The following DIP2C variants were observed in gnomAD, a reference collection of about 807,000 sequenced individuals.
DIP2C encodes the protein disco-interacting protein 2 homolog C.
DIP2C carries 33 observed loss-of-function variants against 192.4 expected under a neutral mutation model. That is an observed-to-expected ratio of 0.17 (90% CI 0.13 to 0.23). DIP2C has a LOEUF of 0.23. DIP2C is among the 10% of genes least tolerant of loss of function. The pLI is 1.00. For synonymous variants in DIP2C, 979 were observed against 864.1 expected, an observed-to-expected ratio of 1.13 and a Z score of -2.33; for missense variants, 1,537 against 2,110.1, an observed-to-expected ratio of 0.73 and a Z score of 5.32.
intron 1 of DIP2C, among the ~76,000 whole-genome samples, chr10:675,278 A>T (rs1830833188): frequency 6.6e-6 from 1 of 152,210 alleles, no homozygotes; most frequent in Admixed American, 6.5e-5. Context: ...AGCCTACGGT[A>T]TAGAGCAAAA....
intron 4 of DIP2C, 110 bp downstream of exon 4, chr10:440,761 T>C: frequency 2.7e-6 from 4 of 1,455,846 alleles, no homozygotes; most frequent in Non-Finnish European, 3.6e-6. Context: ...TCACAAAATC[T>C]GCATTACTGC....
chr10:337,824 C>CTG (rs374719991), intron 29 of DIP2C, among the ~76,000 whole-genome samples: 1 of 102,896 alleles, frequency 9.7e-6, no homozygotes, highest in Non-Finnish European at 2.0e-5. Flanking sequence ...GCCTACGCAG[C>CTG]TGTGTGTGTG....
chr10:553,971 C>A (rs953827234), intron 1 of DIP2C, among the ~76,000 whole-genome samples: 1 of 150,782 alleles, frequency 6.6e-6, no homozygotes, highest in Non-Finnish European at 1.5e-5. Context: ...AACGTATACG[C>A]TTGTAACTGT....
At chr10:481,973 G>A (rs1437049474) in intron 2 of DIP2C, among the ~76,000 whole-genome samples, 2 of 152,228 alleles carry the variant, frequency 1.3e-5, no homozygotes, top group Admixed American at 1.3e-4. Flanking sequence ...GGGGGTTGGG[G>A]TGGAGACTTA....
chr10:381,608 G>A (rs982811577), intron 17 of DIP2C, among the ~76,000 whole-genome samples: 2 of 152,308 alleles, frequency 1.3e-5, no homozygotes, highest in African/African-American at 4.8e-5. Context: ...GCGTGCCCAC[G>A]TGCAACACCA....
chr10:472,467 T>C lies in DIP2C; in HGVS notation c.240A>G (p.Ser80=), dbSNP rs757230987. The change falls in exon 3 of 37, where the codon TCA becomes TCG. Residue 80 remains serine, a synonymous_variant. Transcript: ENST00000280886. The part of the protein sequence containing the change: ...SASRYHRRRS[S]GSRDERYRSD... ...ACCGATAGCGCTCATCTCGTGACCC[T>C]GAAGACCGTCGGCGGTGGTAGCGAG... 34 of 1,614,166 alleles carry C rather than the reference T, an allele frequency of 2.1e-5. No homozygotes were observed. The South Asian group carries it at 3.3e-4, about 16-fold the overall frequency.
At chr10:528,446 A>G (rs1323111814) in intron 1 of DIP2C, among the ~76,000 whole-genome samples, 8 of 151,842 alleles carry the variant, frequency 5.3e-5, no homozygotes, top group Non-Finnish European at 1.0e-4. Context: ...GCTCCCCCAG[A>G]ACGCAGACCA....
At chr10:337,660 TGTGTACGC>T (rs1957912751) in intron 29 of DIP2C, among the ~76,000 whole-genome samples, 1 of 146,136 alleles carries the variant, frequency 6.8e-6, no homozygotes, top group African/African-American at 2.6e-5. Context: ...TAGGCCGGTG[TGTGTACGC>T]GTGTGTGTTG....
intron 1 of DIP2C, among the ~76,000 whole-genome samples, chr10:519,216 T>TGC (rs773416913): frequency 9.2e-5 from 14 of 152,170 alleles, no homozygotes; most frequent in Non-Finnish European, 1.9e-4. Flanking sequence ...AGCCACTAGC[T>TGC]GCCCCGGCCA....
Position 525,521 on chromosome 10 carries a change from C to G in DIP2C, c.86-38991G>C, listed in dbSNP as rs1238555246. Among the ~76,000 whole-genome samples the G allele has an allele frequency of 2.0e-5, 3 of 152,200 alleles. No individual in the cohort carries two copies. In the East Asian group the frequency reaches 5.8e-4, roughly 29 times the overall value. Reference sequence around the variant, plus strand: ...ACAAAGTGTTTGAGGAAAAGTCTTTCTAACTGTAAAAATTCGAGCTGATTG... The same window carrying G: ...ACAAAGTGTTTGAGGAAAAGTCTTTGTAACTGTAAAAATTCGAGCTGATTG... On this transcript the variant is annotated intron_variant, in intron 1 of 36. Coordinates refer to ENST00000280886, the MANE Select transcript of DIP2C (RefSeq NM_014974.3).
At chr10:589,663 C>CG (rs1564238585) in intron 1 of DIP2C, among the ~76,000 whole-genome samples, 5 of 152,164 alleles carry the variant, frequency 3.3e-5, no homozygotes. Flanking sequence ...GCATAATTTA[C>CG]GACTTCAGTG....
chr10:457,628 T>G (rs551259894), intron 3 of DIP2C, among the ~76,000 whole-genome samples: 1 of 152,148 alleles, frequency 6.6e-6, no homozygotes, highest in African/African-American at 2.4e-5. Context: ...TGACAACAGC[T>G]CACTGCAGCC....
chr10:569,407 G>C (rs1443996283), intron 1 of DIP2C, among the ~76,000 whole-genome samples: 4 of 151,960 alleles, frequency 2.6e-5, no homozygotes, highest in African/African-American at 9.7e-5. Context: ...ATTCAGCTAA[G>C]TATTATAGTA....
chr10:606,187 G>A lies in DIP2C; in HGVS notation c.85+83307C>T, dbSNP rs1002604564. ...TCAGAACGAGTCCTGCATAAACCCT[G>A]GGCTGGGGTGCCAGCCACGGCCCAG... On this transcript the variant is annotated intron_variant, in intron 1 of 36. Coordinates refer to ENST00000280886, the MANE Select transcript of DIP2C (RefSeq NM_014974.3). Among the ~76,000 whole-genome samples the A allele has an allele frequency of 2.6e-5, 4 of 152,322 alleles. No individual in the cohort carries two copies. In the East Asian group the frequency reaches 7.7e-4, roughly 29 times the overall value.
intron 1 of DIP2C, among the ~76,000 whole-genome samples, chr10:581,233 G>A (rs1264990428): frequency 1.3e-5 from 2 of 151,968 alleles, no homozygotes; most frequent in African/African-American, 2.4e-5. Context: ...AATTCAGCTG[G>A]GGAAAAAACA....
At chr10:366,177 T>A in intron 19 of DIP2C, 98 bp downstream of exon 19, 1 of 1,507,444 alleles carries the variant, frequency 6.6e-7, no homozygotes, top group Non-Finnish European at 9.0e-7. Context: ...CTTGCTAAAA[T>A]GGATCTTACA....
intron 1 of DIP2C, among the ~76,000 whole-genome samples, chr10:583,588 C>G (rs1014869334): frequency 1.8e-4 from 28 of 152,176 alleles, no homozygotes; most frequent in African/African-American, 6.8e-4. Flanking sequence ...CACAGCCTCA[C>G]CTGGGCCTCG....
chr10:596,635 G>A (rs145648689), intron 1 of DIP2C, among the ~76,000 whole-genome samples: 67 of 151,816 alleles, frequency 4.4e-4, no homozygotes, highest in African/African-American at 1.3e-3. Flanking sequence ...ATAGGACACA[G>A]TTCCTCCCTG....
chr10:414,228 A>C, intron 7 of DIP2C, 118 bp from the exon 8 acceptor site: 1 of 1,217,530 alleles, frequency 8.2e-7, no homozygotes, highest in Non-Finnish European at 1.1e-6. Flanking sequence ...TTATTAGCTG[A>C]CAGAAAAGCA....
Sources: allele counts gnomAD v4.1 joint callset (sites outside exome capture counted in the v4.1 genomes callset), GRCh38; gene constraint gnomAD v4.1.1; transcripts MANE v1.5; gene names NCBI Gene and HGNC (gene_info 2026-07-23, HGNC 2026-07-21).